Variants in NEGR1 observed in about 807,000 individuals in gnomAD.
The protein encoded by NEGR1 is IgLON family member 4.
NEGR1 carries 10 observed loss-of-function variants against 40.9 expected under a neutral mutation model. That is an observed-to-expected ratio of 0.24 (90% CI 0.15 to 0.42). The LOEUF (loss-of-function observed/expected upper bound fraction) is 0.42, where lower values mean the gene tolerates loss of function less well. NEGR1 is among the 10% of genes least tolerant of loss of function. NEGR1 has a pLI of 1.00. For synonymous variants in NEGR1, 185 were observed against 166.8 expected (o/e 1.11, Z -0.84); for missense variants, 352 against 438.9 (o/e 0.80, Z 1.77).
chr1:72,116,193 GA>G (rs1349383883), intron 1 of NEGR1, among the ~76,000 whole-genome samples: 1 of 151,676 alleles, frequency 6.6e-6, no homozygotes, highest in Non-Finnish European at 1.5e-5. Flanking sequence ...GTTGAGTCAT[GA>G]TATAAGACTT....
At chr1:72,234,512 A>G (rs1193422434) in intron 1 of NEGR1, among the ~76,000 whole-genome samples, 2 of 151,996 alleles carry the variant, frequency 1.3e-5, no homozygotes, top group African/African-American at 4.8e-5. Context: ...ATGGGAGAAA[A>G]TTTTTGCAAG....
At chr1:71,771,322 T>C (rs918231738) in intron 3 of NEGR1, among the ~76,000 whole-genome samples, 2 of 152,012 alleles carry the variant, frequency 1.3e-5, no homozygotes, top group Non-Finnish European at 2.9e-5. Flanking sequence ...AGGGTAGAGA[T>C]AGCATTAGGA....
At chr1:72,030,914 C>G (rs1042436377) in intron 1 of NEGR1, among the ~76,000 whole-genome samples, 1 of 152,146 alleles carries the variant, frequency 6.6e-6, no homozygotes, top group South Asian at 2.1e-4. Flanking sequence ...AGGAAAGATG[C>G]TCTTCACGTA....
intron 1 of NEGR1, among the ~76,000 whole-genome samples, chr1:72,282,094 G>A (rs899552739): frequency 6.6e-6 from 1 of 152,098 alleles, no homozygotes; most frequent in African/African-American, 2.4e-5. Flanking sequence ...GCTACTTGGC[G>A]TTCCGGCAAA....
chr1:71,721,524 A>G (rs1654511436), intron 3 of NEGR1, among the ~76,000 whole-genome samples: 1 of 152,314 alleles, frequency 6.6e-6, no homozygotes, highest in South Asian at 2.1e-4. Context: ...AGATAATTAC[A>G]CATGCTTTGC....
intron 1 of NEGR1, among the ~76,000 whole-genome samples, chr1:72,150,206 C>T (rs1651069801): frequency 1.3e-5 from 2 of 152,250 alleles, no homozygotes; most frequent in African/African-American, 4.8e-5. Flanking sequence ...ACCACCAATC[C>T]TGCCACCTGT....
rs1357847615 is a variant in NEGR1 at position 71,928,083 on chromosome 1, T to G, written c.409+6996A>C. On this transcript the variant is annotated intron_variant, in intron 2 of 6. Coordinates refer to ENST00000357731, the MANE Select transcript of NEGR1 (RefSeq NM_173808.3). ...ATACACACACACATATGTACATATA[T>G]GTATATATACACACATATGTATATA... Among the ~76,000 whole-genome samples, 2 of 116,958 alleles carry G rather than the reference T, an allele frequency of 1.7e-5. 1 individual carries two copies. The highest frequency in any genetic ancestry group is 3.6e-5 in the Non-Finnish European group (2 of 55,664). The allele number at this position is 116,958 out of a possible 152,430, so 76.7% of individuals were successfully genotyped here.
chr1:71,630,417 T>A (rs185459308), intron 4 of NEGR1, among the ~76,000 whole-genome samples: 11 of 152,028 alleles, frequency 7.2e-5, no homozygotes, highest in Non-Finnish European at 1.2e-4. Context: ...TTCACCATTT[T>A]AAAAAATAGA....
intron 1 of NEGR1, among the ~76,000 whole-genome samples, chr1:71,961,205 T>C (rs1048281791): frequency 8.5e-5 from 13 of 152,164 alleles, no homozygotes; most frequent in Non-Finnish European, 2.9e-5. Context: ...AAAGTGCCCA[T>C]TAATAACTAC....
chr1:71,823,915 T>G (rs888749159), intron 2 of NEGR1, among the ~76,000 whole-genome samples: 10 of 152,048 alleles, frequency 6.6e-5, no homozygotes, highest in African/African-American at 2.4e-4. Context: ...ATGCAGGTGG[T>G]GATCACACAG....
chr1:71,613,370 T>C (rs1366379452), intron 4 of NEGR1, among the ~76,000 whole-genome samples: 3 of 152,040 alleles, frequency 2.0e-5, no homozygotes, highest in East Asian at 1.9e-4. Context: ...GAGGGGGCTG[T>C]GTGCAGTGGC....
intron 1 of NEGR1, among the ~76,000 whole-genome samples, chr1:72,216,402 CATATATATATAT>C (rs56767155): frequency 8.4e-6 from 1 of 119,542 alleles, no homozygotes; most frequent in African/African-American, 3.2e-5. Context: ...TATATATATA[CATATATATATAT>C]ATGTATATCT....
chr1:72,121,721 T>C (rs1229642452), intron 1 of NEGR1, among the ~76,000 whole-genome samples: 2 of 151,918 alleles, frequency 1.3e-5, no homozygotes, highest in Non-Finnish European at 2.9e-5. Context: ...ATGACTACAC[T>C]GTGAAAGAAA....
At chr1:71,969,336 T>C (rs1646237232) in intron 1 of NEGR1, among the ~76,000 whole-genome samples, 1 of 152,158 alleles carries the variant, frequency 6.6e-6, no homozygotes, top group Non-Finnish European at 1.5e-5. Flanking sequence ...TCTAATATTG[T>C]AGTTAGCGTG....
At chr1:71,948,633 A>C in intron 1 of NEGR1, among the ~76,000 whole-genome samples, 1 of 152,144 alleles carries the variant, frequency 6.6e-6, no homozygotes, top group Non-Finnish European at 1.5e-5. Context: ...ATTTAAATTA[A>C]TTTCATCTGA....
intron 1 of NEGR1, chr1:72,274,466 C>G (rs917230260): frequency 3.5e-6 from 2 of 572,344 alleles, no homozygotes; most frequent in South Asian, 4.0e-5. Context: ...TCTTGAGCAG[C>G]AGAAGCACAT....
At chr1:71,683,872 T>C (rs1377166161) in intron 4 of NEGR1, among the ~76,000 whole-genome samples, 1 of 152,124 alleles carries the variant, frequency 6.6e-6, no homozygotes, top group Non-Finnish European at 1.5e-5. Context: ...ATTATGACTC[T>C]TACAATTTCT....
At chr1:71,513,945 G>A (rs1398387476) in intron 6 of NEGR1, among the ~76,000 whole-genome samples, 1 of 140,886 alleles carries the variant, frequency 7.1e-6, no homozygotes, top group Non-Finnish European at 1.5e-5. Flanking sequence ...CCCTTTCCGA[G>A]TCAAAGAAAG....
At chr1:71,440,878 A>C (rs946891407) in intron 6 of NEGR1, among the ~76,000 whole-genome samples, 3 of 152,224 alleles carry the variant, frequency 2.0e-5, no homozygotes, top group Admixed American at 6.5e-5. Context: ...ATCTTAACTA[A>C]TGCAGGTGAG....
Sources: gnomAD v4.1 joint callset for allele counts (sites outside exome capture counted in the v4.1 genomes callset) on GRCh38, gnomAD v4.1.1 for gene constraint, MANE v1.5 for transcripts, NCBI Gene and HGNC (gene_info 2026-07-23, HGNC 2026-07-21) for gene names.